The following NTRK2 variants were observed in gnomAD, a reference collection of about 807,000 sequenced individuals.
The protein encoded by NTRK2 is neurotrophic receptor tyrosine kinase 2.
NTRK2 carries 13 observed loss-of-function variants against 94.5 expected under a neutral mutation model. The observed-to-expected ratio is 0.14, with a 90% CI of 0.09 to 0.22. The LOEUF is 0.22. NTRK2 is among the 10% of genes least tolerant of loss of function. The pLI is 1.00. For synonymous variants in NTRK2, 372 were observed against 407.4 expected (o/e 0.91, Z 1.05); for missense variants, 639 against 1,071.2 (o/e 0.60, Z 5.63).
chr9:84,706,527 G>GTTTTTTTTTTTTTTTTT (rs71369141), intron 4 of NTRK2, among the ~76,000 whole-genome samples: 4 of 81,656 alleles, frequency 4.9e-5, no homozygotes, highest in Non-Finnish European at 6.4e-5. Flanking sequence ...TTTTGTTTTT[G>GTTTTTTTTTTTTTTTTT]TTTTTTTTTT....
At position 85,003,596 on chromosome 9, in the gene NTRK2, G is replaced by A. The variant is rs1272431392; in HGVS notation, c.2173-16610G>A. Among the ~76,000 whole-genome samples, 6 of 152,268 alleles carry A rather than the reference G, an allele frequency of 3.9e-5. No individual in the cohort carries two copies. The East Asian group carries it at 1.2e-3, about 29-fold the overall frequency. On this transcript the variant is annotated intron_variant, in intron 17 of 18. Transcript: ENST00000277120. ...AGGAACTGAGGGGTCCTGCTAAAAT[G>A]TTTGGATTTTGTTCCGAGTACAGTG...
At chr9:84,852,814 A>G (rs532678771) in intron 12 of NTRK2, among the ~76,000 whole-genome samples, 3 of 152,218 alleles carry the variant, frequency 2.0e-5, no homozygotes, top group African/African-American at 7.2e-5. Context: ...ACAGCTTGCT[A>G]TGTTCCAGGC....
At chr9:84,731,111 G>A (rs1372486766) in intron 9 of NTRK2, among the ~76,000 whole-genome samples, 4 of 152,006 alleles carry the variant, frequency 2.6e-5, no homozygotes, top group Non-Finnish European at 2.9e-5. Context: ...CTCTGGTGTC[G>A]CTTAGCGTAT....
At chr9:84,849,937 G>A (rs1392111620) in intron 12 of NTRK2, among the ~76,000 whole-genome samples, 1 of 152,122 alleles carries the variant, frequency 6.6e-6, no homozygotes, top group East Asian at 1.9e-4. Context: ...TGAAGCTTGC[G>A]GAAGAGAGTA....
chr9:84,797,610 A>ATT (rs1564297101), intron 12 of NTRK2, among the ~76,000 whole-genome samples: 9 of 64,488 alleles, frequency 1.4e-4, no homozygotes, highest in East Asian at 6.9e-4. Context: ...TATTATATAT[A>ATT]ATATATATAC....
intron 5 of NTRK2, among the ~76,000 whole-genome samples, chr9:84,708,487 C>T (rs1014536304): frequency 6.6e-5 from 10 of 152,094 alleles, no homozygotes; most frequent in Admixed American, 2.0e-4. Context: ...TGATAGAAAA[C>T]GTATTGAAAG....
intron 15 of NTRK2, among the ~76,000 whole-genome samples, chr9:84,937,860 C>T (rs2078265313): frequency 2.0e-5 from 3 of 152,326 alleles, no homozygotes; most frequent in Non-Finnish European, 4.4e-5. Flanking sequence ...GCTGCAATTC[C>T]TATAACATTT....
intron 12 of NTRK2, among the ~76,000 whole-genome samples, chr9:84,838,257 G>A (rs1175600544): frequency 6.6e-6 from 1 of 152,098 alleles, no homozygotes; most frequent in Non-Finnish European, 1.5e-5. Flanking sequence ...CAGAGATGGG[G>A]AGGAAGTTAT....
chr9:84,788,979 G>A (rs549340876), intron 12 of NTRK2, among the ~76,000 whole-genome samples: 182 of 152,292 alleles, frequency 1.2e-3, no homozygotes, highest in African/African-American at 3.9e-3. Flanking sequence ...CAAAGCTTCC[G>A]CTTGTTAGCT....
intron 2 of NTRK2, among the ~76,000 whole-genome samples, chr9:84,683,299 C>T (rs753510168): frequency 1.3e-5 from 2 of 151,930 alleles, no homozygotes; most frequent in Non-Finnish European, 2.9e-5. Flanking sequence ...GGCTTTAAGC[C>T]CCACATGCAT....
At chr9:85,019,324 A>G (rs1211407097) in intron 17 of NTRK2, among the ~76,000 whole-genome samples, 1 of 152,182 alleles carries the variant, frequency 6.6e-6, no homozygotes, top group Non-Finnish European at 1.5e-5. Context: ...GGGGGTTACC[A>G]GGATGAAAAG....
intron 17 of NTRK2, among the ~76,000 whole-genome samples, chr9:84,986,973 G>A (rs1361339865): frequency 2.6e-5 from 4 of 152,202 alleles, no homozygotes; most frequent in East Asian, 3.8e-4. Context: ...GATTTCACGA[G>A]GAAATGTGAA....
intron 14 of NTRK2, among the ~76,000 whole-genome samples, chr9:84,901,317 G>C (rs2076923308): frequency 6.6e-6 from 1 of 151,682 alleles, no homozygotes; most frequent in Non-Finnish European, 1.5e-5. Context: ...CTGCCTCCTG[G>C]CTTCAAGCAA....
chr9:84,696,722 A>G (rs535596735), intron 2 of NTRK2, among the ~76,000 whole-genome samples: 1 of 152,356 alleles, frequency 6.6e-6, no homozygotes, highest in East Asian at 1.9e-4. Context: ...CTAAAACTGC[A>G]TGCCAACCGA....
rs146355364 is a variant in NTRK2 at position 84,808,689 on chromosome 9, C to G, written c.1397-52351C>G. Among the ~76,000 whole-genome samples the G allele has an allele frequency of 2.0e-4, 30 of 152,344 alleles. No individual in the cohort carries two copies. In the East Asian group the frequency reaches 5.8e-3, roughly 29 times the overall value. On this transcript the variant is annotated intron_variant, in intron 12 of 18. Transcript: ENST00000277120. The stretch of plus-strand genomic sequence containing the variant: ...TATGAAGGAGAATTAATCAGTGCTA[C>G]TGAGTACTTCCTAAATTCTTAGGGC...
intron 12 of NTRK2, among the ~76,000 whole-genome samples, chr9:84,853,358 ACATCTT>A (rs2074881608): frequency 6.6e-6 from 1 of 152,212 alleles, no homozygotes; most frequent in Non-Finnish European, 1.5e-5. Context: ...GAGAGGGCCC[ACATCTT>A]CTGACATTCT....
At chr9:84,960,588 A>G (rs1279571882) in intron 17 of NTRK2, among the ~76,000 whole-genome samples, 1 of 152,180 alleles carries the variant, frequency 6.6e-6, no homozygotes, top group Non-Finnish European at 1.5e-5. Flanking sequence ...GACTCATCCC[A>G]CAGATGTTTT....
chr9:84,814,803 T>C, intron 12 of NTRK2: 5 of 1,064,258 alleles, frequency 4.7e-6, no homozygotes, highest in African/African-American at 1.6e-5. Context: ...TCCAGCCACA[T>C]GGGCAGGGCC....
chr9:84,959,578 G>A (rs1057015224), intron 17 of NTRK2, among the ~76,000 whole-genome samples: 4 of 152,226 alleles, frequency 2.6e-5, no homozygotes, highest in African/African-American at 9.6e-5. Flanking sequence ...CCCTGTTGCA[G>A]CTGAGCTAAT....
Sources: allele counts gnomAD v4.1 joint callset (sites outside exome capture counted in the v4.1 genomes callset), GRCh38; gene constraint gnomAD v4.1.1; transcripts MANE v1.5; gene names NCBI Gene and HGNC (gene_info 2026-07-23, HGNC 2026-07-21).